Variants in STK3 observed in about 807,000 individuals in gnomAD.
The protein encoded by STK3 is serine/threonine-protein kinase 3.
Under a neutral mutation model 58.0 loss-of-function variants are expected in STK3, and 41 were observed. That is an observed-to-expected ratio of 0.71 (90% CI 0.55 to 0.92). The LOEUF (loss-of-function observed/expected upper bound fraction) is 0.92. Among genes scored for constraint, STK3 ranks in the 40% least tolerant of loss-of-function variants. The pLI is 0.00. For missense variants in STK3, 479 were observed against 602.7 expected (o/e 0.79, Z 2.15); for synonymous variants, 170 against 191.0 (o/e 0.89, Z 0.91).
intron 4 of STK3, among the ~76,000 whole-genome samples, chr8:98,720,316 C>T (rs958505710): frequency 1.3e-5 from 2 of 152,112 alleles, no homozygotes; most frequent in Non-Finnish European, 2.9e-5. Context: ...GACGAGGAAA[C>T]GAATTCAGAG....
chr8:98,733,524 C>CCTGAAA (rs1828358366), intron 4 of STK3, among the ~76,000 whole-genome samples: 1 of 152,230 alleles, frequency 6.6e-6, no homozygotes, highest in African/African-American at 2.4e-5. Flanking sequence ...ACAGTTTCAT[C>CCTGAAA]CTGAAACTAT....
At chr8:98,918,796 T>G (rs1587847103) in intron 1 of STK3, among the ~76,000 whole-genome samples, 1 of 151,816 alleles carries the variant, frequency 6.6e-6, no homozygotes, top group East Asian at 1.9e-4. Context: ...AACAAAACTT[T>G]AAAAAAGAAA....
chr8:98,628,819 C>CAAAAAAAAAAAAAAAAAAAAAAA, intron 6 of STK3, among the ~76,000 whole-genome samples: 1 of 64,156 alleles, frequency 1.6e-5, no homozygotes, highest in Non-Finnish European at 2.8e-5. Context: ...CTCCACACTC[C>CAAAAAAAAAAAAAAAAAAAAAAA]AAAAAAAAAA....
chr8:98,462,652 A>G (rs1820092933), intron 10 of STK3, among the ~76,000 whole-genome samples: 1 of 152,228 alleles, frequency 6.6e-6, no homozygotes, highest in African/African-American at 2.4e-5. Context: ...CAAAGTACTC[A>G]CTGACATATT....
intron 6 of STK3, among the ~76,000 whole-genome samples, chr8:98,677,495 C>A (rs1288763615): frequency 6.6e-6 from 1 of 151,600 alleles, no homozygotes; most frequent in East Asian, 1.9e-4. Context: ...TCATACTACC[C>A]AAACTAAAGG....
At chr8:98,515,364 C>G (rs1244620067) in intron 10 of STK3, among the ~76,000 whole-genome samples, 2 of 152,048 alleles carry the variant, frequency 1.3e-5, no homozygotes, top group African/African-American at 4.8e-5. Context: ...GACATGGTTG[C>G]CTTTAGGACC....
chr8:98,478,326 G>A (rs1821542062), intron 10 of STK3, among the ~76,000 whole-genome samples: 1 of 152,152 alleles, frequency 6.6e-6, no homozygotes, highest in South Asian at 2.1e-4. Context: ...TGAGATTTGG[G>A]GGTGGGGTGG....
intron 6 of STK3, among the ~76,000 whole-genome samples, chr8:98,658,518 A>G (rs1587198843): frequency 6.6e-6 from 1 of 151,920 alleles, no homozygotes; most frequent in African/African-American, 2.4e-5. Flanking sequence ...ACTCCCTTTC[A>G]GCCCTCATTC....
At chr8:98,676,253 T>C (rs1417579710) in intron 6 of STK3, among the ~76,000 whole-genome samples, 1 of 152,142 alleles carries the variant, frequency 6.6e-6, no homozygotes, top group East Asian at 1.9e-4. Flanking sequence ...GAGTTTCAGT[T>C]TGGGATGATG....
chr8:98,588,388 G>T (rs901060821), intron 7 of STK3, among the ~76,000 whole-genome samples: 10 of 151,422 alleles, frequency 6.6e-5, no homozygotes, highest in East Asian at 3.9e-4. Context: ...GAAATTCTGG[G>T]TTGAAAATTC....
rs1372025693 is a variant in STK3, at chr8:98,652,000, C to G, written c.684+54467G>C. On this transcript the variant is annotated intron_variant, in intron 6 of 10. Transcript: ENST00000419617. ...CAGAGAACGCCACAAAGATACTCCTCGAGAAGAGCAACTCCAAGACACATA... is the reference window on the plus strand; with the variant it reads ...CAGAGAACGCCACAAAGATACTCCTGGAGAAGAGCAACTCCAAGACACATA... Among the ~76,000 whole-genome samples the G allele has an allele frequency of 2.6e-5, 4 of 151,840 alleles. No homozygotes were observed. The East Asian group carries it at 7.7e-4, about 29-fold the overall frequency.
At chr8:98,597,895 T>C in intron 6 of STK3, 5 of 982,546 alleles carry the variant, frequency 5.1e-6, no homozygotes, top group South Asian at 4.7e-5. Flanking sequence ...TGCCTGCAAA[T>C]AACCTAATTA....
At chr8:98,919,337 T>G (rs1025079465) in intron 1 of STK3, among the ~76,000 whole-genome samples, 15 of 152,220 alleles carry the variant, frequency 9.9e-5, no homozygotes, top group African/African-American at 3.1e-4. Flanking sequence ...GTGTGTTGTC[T>G]TAGTAGATAA....
At position 98,904,775 on chromosome 8, in the gene STK3, G is replaced by C. The variant is rs113249169; in HGVS notation, c.-78-20941C>G. On this transcript the variant is annotated intron_variant, in intron 1 of 1. Transcript: ENST00000519420. ...AGCATGACGCGGTTCCACAATAGGA[G>C]GAAGTGGTGGCCGGAGCGGCAGCCA... 4.6e-3 allele frequency: 3,160 copies of C among 693,968 alleles called. 68 individuals are homozygous for C. The African/African-American group carries it at 0.05, about 11-fold the overall frequency. 43.0% of individuals were successfully genotyped at this position (693,968 alleles called of 1,614,324 possible).
chr8:98,524,617 A>G (rs1292096541), intron 10 of STK3, among the ~76,000 whole-genome samples: 1 of 152,204 alleles, frequency 6.6e-6, no homozygotes. Flanking sequence ...TTATCAATGG[A>G]CACTGTGCAG....
At chr8:98,546,949 G>A (rs1255795422) in intron 9 of STK3, among the ~76,000 whole-genome samples, 2 of 152,180 alleles carry the variant, frequency 1.3e-5, no homozygotes, top group African/African-American at 4.8e-5. Context: ...TGAGCCACGT[G>A]ACTTGAAGTT....
At chr8:98,902,610 C>T (rs779139426) in intron 1 of STK3, among the ~76,000 whole-genome samples, 4 of 152,230 alleles carry the variant, frequency 2.6e-5, no homozygotes, top group South Asian at 2.1e-4. Flanking sequence ...CCACTGTCAC[C>T]GTCCTGGCCC....
intron 10 of STK3, among the ~76,000 whole-genome samples, chr8:98,486,540 A>C (rs1045794805): frequency 6.6e-6 from 1 of 152,206 alleles, no homozygotes; most frequent in Non-Finnish European, 1.5e-5. Context: ...TTTCACATCA[A>C]ATCACCAGGT....
At chr8:98,907,863 A>G (rs184551181) in intron 1 of STK3, among the ~76,000 whole-genome samples, 43 of 152,296 alleles carry the variant, frequency 2.8e-4, no homozygotes, top group Admixed American at 2.4e-3. Context: ...CTTTTAATCT[A>G]TGGGTGTCCT....
Sources: allele counts gnomAD v4.1 joint callset (sites outside exome capture counted in the v4.1 genomes callset), GRCh38; gene constraint gnomAD v4.1.1; transcripts MANE v1.5; gene names NCBI Gene and HGNC (gene_info 2026-07-23, HGNC 2026-07-21).